HNF1B: variants seen among roughly 807,000 people sequenced by gnomAD.
The protein encoded by HNF1B is hepatocyte nuclear factor 1-beta.
A neutral mutation model predicts 61.7 loss-of-function variants in HNF1B; 8 were observed. The observed-to-expected ratio is 0.13, with a 90% confidence interval of 0.08 to 0.23. HNF1B has a LOEUF of 0.23. HNF1B is among the 10% of genes least tolerant of loss of function. The probability of loss-of-function intolerance (pLI) is 1.00; values close to 1 mark genes in which losing one functional copy is unlikely to be tolerated. For synonymous variants in HNF1B, 314 were observed against 287.7 expected, an observed-to-expected ratio of 1.09 and a Z score of -0.93; for missense variants, 562 against 714.5, an observed-to-expected ratio of 0.79 and a Z score of 2.43.
In HNF1B at chr17:37,686,994, A is replaced by T; in HGVS notation, c.*378T>A. The T allele has an allele frequency of 8.4e-6, 4 of 478,284 alleles. No individual in the cohort carries two copies. The highest frequency in any genetic ancestry group is 1.5e-5 in the Non-Finnish European group (4 of 259,964). 29.6% of individuals were successfully genotyped at this position (478,284 alleles called of 1,614,324 possible). A position where few individuals can be genotyped will look rare whatever the true frequency, so the allele number is the denominator to read the frequency against. On this transcript the variant is annotated 3_prime_UTR_variant, in exon 9 of 9. Transcript: ENST00000617811. ...TGTGTTTGGCTCAGTTCAATAGCAC[A>T]TGTCCTTCTCTCCTCATTTCAGTAA...
chr17:37,703,743 A>G (rs904441087), intron 6 of HNF1B, among the ~76,000 whole-genome samples: 3 of 152,136 alleles, frequency 2.0e-5, no homozygotes, highest in African/African-American at 7.2e-5. Context: ...CTGTGTGTCA[A>G]TTTCCAAGCA....
chr17:37,692,523 G>T (rs1398509007), intron 8 of HNF1B, among the ~76,000 whole-genome samples: 1 of 152,204 alleles, frequency 6.6e-6, no homozygotes, highest in African/African-American at 2.4e-5. Context: ...GGGTAAGAGG[G>T]TTCTCCAGGA....
chr17:37,743,304 T>C (rs1436397397), intron 1 of HNF1B, among the ~76,000 whole-genome samples: 1 of 152,208 alleles, frequency 6.6e-6, no homozygotes, highest in Non-Finnish European at 1.5e-5. Flanking sequence ...CCTCCGCGAC[T>C]CACACCTTCC....
At chr17:37,712,548 TGAAGGCAGA>T (rs2032970787) in intron 4 of HNF1B, among the ~76,000 whole-genome samples, 1 of 152,184 alleles carries the variant, frequency 6.6e-6, no homozygotes, top group African/African-American at 2.4e-5. Flanking sequence ...TTATGAGCTC[TGAAGGCAGA>T]GCTAGGTTCA....
At chr17:37,691,819 G>T (rs973108501) in intron 8 of HNF1B, among the ~76,000 whole-genome samples, 1 of 152,194 alleles carries the variant, frequency 6.6e-6, no homozygotes, top group African/African-American at 2.4e-5. Flanking sequence ...TCCTCACCCA[G>T]TGAAGAAGCT....
chr17:37,714,144 C>A (rs1423814197), intron 4 of HNF1B, among the ~76,000 whole-genome samples: 1 of 152,184 alleles, frequency 6.6e-6, no homozygotes, highest in Non-Finnish European at 1.5e-5. Context: ...TCTGTCAGGT[C>A]ATTGGGAAGA....
Position 37,715,196 on chromosome 17 carries a change from T to C in HNF1B, c.1046-4533A>G, listed in dbSNP as rs538869257. Among the ~76,000 whole-genome samples the C allele has an allele frequency of 7.2e-5, 11 of 152,226 alleles. No homozygotes were observed. The East Asian group carries it at 1.2e-3, about 16-fold the overall frequency. On this transcript the variant is annotated intron_variant, in intron 4 of 8. Transcript: ENST00000617811. ...GACTTACGGCAGGAGTCAGTCACCCTGCATGCACGCTGATGATATGTTTAC... is the reference window on the plus strand; with the variant it reads ...GACTTACGGCAGGAGTCAGTCACCCCGCATGCACGCTGATGATATGTTTAC...
intron 4 of HNF1B, among the ~76,000 whole-genome samples, chr17:37,723,995 T>G (rs1380815597): frequency 6.6e-6 from 1 of 152,164 alleles, no homozygotes; most frequent in Non-Finnish European, 1.5e-5. Flanking sequence ...AGCCTGTAAT[T>G]TTGTCACTGT....
At chr17:37,731,996 A>G (rs1296037974) in intron 3 of HNF1B, among the ~76,000 whole-genome samples, 166 bp from the exon 4 acceptor site, 2 of 152,200 alleles carry the variant, frequency 1.3e-5, no homozygotes, top group Non-Finnish European at 2.9e-5. Context: ...AGGCCAATCC[A>G]TGGAGTGATC....
intron 4 of HNF1B, among the ~76,000 whole-genome samples, chr17:37,726,678 T>G (rs2033509531): frequency 6.6e-6 from 1 of 152,108 alleles, no homozygotes; most frequent in African/African-American, 2.4e-5. Context: ...TCTCTGTTTT[T>G]CAAGCTCTAA....
intron 6 of HNF1B, among the ~76,000 whole-genome samples, chr17:37,704,296 C>A (rs150050399): frequency 1.3e-5 from 2 of 152,192 alleles, no homozygotes; most frequent in Non-Finnish European, 2.9e-5. Context: ...TGTCTTCAGG[C>A]GTGTGATGTG....
At chr17:37,712,277 A>T (rs1402715093) in intron 4 of HNF1B, among the ~76,000 whole-genome samples, 2 of 152,128 alleles carry the variant, frequency 1.3e-5, no homozygotes, top group African/African-American at 4.8e-5. Context: ...TATTGGTTTA[A>T]GGCACTACAT....
In HNF1B at chr17:37,687,288, C is replaced by A; in HGVS notation, c.*84G>T. The A allele has an allele frequency of 6.2e-7, 1 of 1,613,282 alleles. No individual in the cohort carries two copies. The highest frequency in any genetic ancestry group is 8.5e-7 in the Non-Finnish European group (1 of 1,179,654). On this transcript the variant is annotated 3_prime_UTR_variant, in exon 9 of 9. Coordinates refer to ENST00000617811, the MANE Select transcript of HNF1B (RefSeq NM_000458.4). ...CGCAGGTGCTGGTCAGGTCACTGGG[C>A]TTTTCCATGACAGCTGCCCAGAGGG...
intron 4 of HNF1B, among the ~76,000 whole-genome samples, chr17:37,711,911 G>A (rs73982513): frequency 0.022 from 3,413 of 152,118 alleles, 115 homozygotes; most frequent in African/African-American, 0.077. Context: ...CCTTCCAGAG[G>A]AGACCACAAA....
intron 1 of HNF1B, among the ~76,000 whole-genome samples, chr17:37,739,961 AATTT>A (rs1401318350): frequency 6.9e-4 from 105 of 151,570 alleles, no homozygotes; most frequent in African/African-American, 2.4e-3. Context: ...TTAATTAATT[AATTT>A]ATTTATTATT....
intron 4 of HNF1B, among the ~76,000 whole-genome samples, chr17:37,712,536 C>T (rs1004211436): frequency 1.1e-4 from 16 of 152,152 alleles, no homozygotes; most frequent in African/African-American, 3.9e-4. Flanking sequence ...GAGATTTGAA[C>T]CTTATGAGCT....
At chr17:37,739,177 G>A (rs754005807) in intron 2 of HNF1B, among the ~76,000 whole-genome samples, 1 of 152,088 alleles carries the variant, frequency 6.6e-6, no homozygotes, top group Non-Finnish European at 1.5e-5. Context: ...TGGAAGGAGG[G>A]GCCAAAAAGT....
intron 5 of HNF1B, among the ~76,000 whole-genome samples, chr17:37,709,091 A>T (rs2032848431): frequency 6.6e-6 from 1 of 152,080 alleles, no homozygotes; most frequent in Non-Finnish European, 1.5e-5. Context: ...CCTCCCCTGA[A>T]AAACAGAGCA....
intron 4 of HNF1B, among the ~76,000 whole-genome samples, chr17:37,720,560 C>G (rs1052416661): frequency 1.3e-5 from 2 of 151,836 alleles, no homozygotes; most frequent in African/African-American, 4.8e-5. Flanking sequence ...AAAACTAATC[C>G]TAGGCTCAGT....
Sources: allele counts gnomAD v4.1 joint callset (sites outside exome capture counted in the v4.1 genomes callset), GRCh38; gene constraint gnomAD v4.1.1; transcripts MANE v1.5; gene names NCBI Gene and HGNC (gene_info 2026-07-23, HGNC 2026-07-21).